Variants in UTRN observed in about 807,000 individuals in gnomAD.
The protein encoded by UTRN is dystrophin-related protein 1.
In UTRN, 283 loss-of-function variants were observed where a neutral mutation model predicts 463.9. That is an observed-to-expected ratio of 0.61 (90% CI 0.55 to 0.67). UTRN has a LOEUF of 0.67. Among genes scored for constraint, UTRN ranks in the 30% least tolerant of loss-of-function variants. The pLI, the probability that UTRN is intolerant of heterozygous loss-of-function variation, is 0.00. For synonymous variants in UTRN, 1,442 were observed against 1,431.5 expected (o/e 1.01, Z -0.17); for missense variants, 3,922 against 4,084.3 (o/e 0.96, Z 1.08).
chr6:144,733,285 G>A (rs544103394), intron 54 of UTRN, among the ~76,000 whole-genome samples: 5 of 152,074 alleles, frequency 3.3e-5, no homozygotes, highest in South Asian at 2.1e-4. Context: ...TTGGGAGGCC[G>A]AGGCAGGCGG....
At position 144,753,674 on chromosome 6, in the gene UTRN, G is replaced by A. The variant is rs549063533; in HGVS notation, c.8356-1046G>A. On this transcript the variant is annotated intron_variant, in intron 56 of 74. Transcript: ENST00000367545. ...AAAAGATGTAGAGTGTCCAACCTGGGCAGCATAGTGAGACCTTGTCTCTAC... is the reference window on the plus strand; with the variant it reads ...AAAAGATGTAGAGTGTCCAACCTGGACAGCATAGTGAGACCTTGTCTCTAC... Among the ~76,000 whole-genome samples the A allele has an allele frequency of 2.0e-5, 3 of 146,774 alleles. No individual in the cohort carries two copies. The South Asian group carries it at 6.5e-4, about 32-fold the overall frequency.
chr6:144,782,071 G>A lies in UTRN; in HGVS notation c.8782G>A (p.Val2928Ile), dbSNP rs375664557. 8.1e-6 allele frequency: 13 copies of A among 1,613,802 alleles called. No homozygotes were observed. Among genetic ancestry groups the A allele is most frequent in the African/African-American group, 1.3e-5 (1 of 74,928 alleles). ...GCAAATGCATAAGGACCTGGTCAAC[G>A]TTCCACTCTGTGTTGATATGTGTCT... ...LEQMHKDLVN[V>I]PLCVDMCLNW... is the part of the protein sequence containing the mutation. Residue 2928 changes from valine to isoleucine, a missense_variant, in exon 61 of 75, where the codon GTT becomes ATT. Val to Ile is a conservative substitution (Grantham distance 29, BLOSUM62 3). Coordinates refer to ENST00000367545, the MANE Select transcript of UTRN (RefSeq NM_007124.3).
intron 2 of UTRN, among the ~76,000 whole-genome samples, chr6:144,396,613 T>C (rs1562339668): frequency 6.6e-6 from 1 of 152,180 alleles, no homozygotes; most frequent in Admixed American, 6.5e-5. Flanking sequence ...AATTATATAG[T>C]AGGTGAATTT....
chr6:144,789,171 C>T, intron 61 of UTRN, 23 bp from the exon 62 acceptor site: 1 of 1,589,046 alleles, frequency 6.3e-7, no homozygotes, highest in Non-Finnish European at 8.6e-7. Context: ...GCATCTAACA[C>T]ATTAACATTC....
At chr6:144,683,122 T>C (rs1016052490) in intron 52 of UTRN, among the ~76,000 whole-genome samples, 2 of 152,074 alleles carry the variant, frequency 1.3e-5, no homozygotes, top group Non-Finnish European at 2.9e-5. Context: ...AGAGGCCAGG[T>C]TGGAGGTGGT....
chr6:144,663,533 G>A (rs890486667), intron 51 of UTRN, among the ~76,000 whole-genome samples: 9 of 152,130 alleles, frequency 5.9e-5, no homozygotes, highest in African/African-American at 2.2e-4. Context: ...TAGTCACAGA[G>A]GATAGTGTAA....
At chr6:144,341,910 A>C (rs1777165440) in intron 2 of UTRN, among the ~76,000 whole-genome samples, 1 of 152,234 alleles carries the variant, frequency 6.6e-6, no homozygotes, top group South Asian at 2.1e-4. Flanking sequence ...CAATGTTGAA[A>C]GTCTTTGATT....
chr6:144,677,049 T>C (rs770252197), intron 51 of UTRN, among the ~76,000 whole-genome samples: 1 of 151,972 alleles, frequency 6.6e-6, no homozygotes, highest in Non-Finnish European at 1.5e-5. Flanking sequence ...GTACATGAAC[T>C]ATAGATTACA....
At chr6:144,778,719 G>T (rs2128736823) in intron 60 of UTRN, among the ~76,000 whole-genome samples, 1 of 152,248 alleles carries the variant, frequency 6.6e-6, no homozygotes, top group Middle Eastern at 3.4e-3. Flanking sequence ...AGTGTTCATT[G>T]TTTTGCAGAA....
At chr6:144,654,989 G>A (rs1779182869) in intron 51 of UTRN, among the ~76,000 whole-genome samples, 1 of 151,014 alleles carries the variant, frequency 6.6e-6, no homozygotes, top group African/African-American at 2.4e-5. Context: ...TTGGTTATGT[G>A]TTATAGAAAA....
At chr6:144,830,345 G>A (rs1210632531) in intron 69 of UTRN, among the ~76,000 whole-genome samples, 5 of 152,096 alleles carry the variant, frequency 3.3e-5, no homozygotes, top group Non-Finnish European at 7.4e-5. Flanking sequence ...CCAACAGACA[G>A]TTGTTATTAA....
At position 144,679,930 on chromosome 6, in the gene UTRN, A is replaced by G. The variant is rs907521964; in HGVS notation, c.7652+1352A>G. Among the ~76,000 whole-genome samples, 3 of 152,130 alleles carry G rather than the reference A, an allele frequency of 2.0e-5. No homozygotes were observed. The East Asian group carries it at 5.8e-4, about 29-fold the overall frequency. The stretch of plus-strand genomic sequence containing the variant: ...CCATTGGGAAATACAATAGGTCAGC[A>G]TTGGCCAACTACTTTTTCTTAGTAA... On this transcript the variant is annotated intron_variant, in intron 52 of 74. Transcript: ENST00000367545.
intron 51 of UTRN, among the ~76,000 whole-genome samples, chr6:144,634,285 A>G (rs17191984): frequency 0.057 from 8,710 of 152,288 alleles, 345 homozygotes; most frequent in Non-Finnish European, 0.081. Context: ...AGCTTGGGTG[A>G]AGAAGTCCTG....
chr6:144,376,168 T>G (rs1780440386), intron 2 of UTRN, among the ~76,000 whole-genome samples: 1 of 151,828 alleles, frequency 6.6e-6, no homozygotes, highest in Non-Finnish European at 1.5e-5. Flanking sequence ...TTTAAAAAAG[T>G]TTTTTGGGTC....
At chr6:144,436,165 G>A (rs1219055879) in intron 10 of UTRN, 27 bp downstream of exon 10, 1 of 1,601,658 alleles carries the variant, frequency 6.2e-7, no homozygotes, top group Non-Finnish European at 8.5e-7. Context: ...TCTTAGCAGG[G>A]TGTGTCCCCC....
chr6:144,482,180 T>C (rs779988640), intron 26 of UTRN, 29 bp from the exon 27 acceptor site: 5 of 1,402,898 alleles, frequency 3.6e-6, no homozygotes, highest in Non-Finnish European at 3.7e-6. Context: ...GAGACGTTTT[T>C]CAAGTTCATC....
At chr6:144,793,390 T>A (rs1406611723) in intron 62 of UTRN, among the ~76,000 whole-genome samples, 1 of 152,058 alleles carries the variant, frequency 6.6e-6, no homozygotes, top group African/African-American at 2.4e-5. Flanking sequence ...ATTACAGGCA[T>A]GCACCACAGC....
Position 144,461,255 on chromosome 6 carries a change from G to A in UTRN, c.2766G>A (p.Val922=), listed in dbSNP as rs770870902. 1 of 1,610,954 alleles carries A rather than the reference G, an allele frequency of 6.2e-7. No individual in the cohort carries two copies. Among genetic ancestry groups the A allele is most frequent in the Admixed American group, 1.7e-5 (1 of 59,906 alleles). The change falls in exon 22 of 75, where the codon GTG becomes GTA. Residue 922 remains valine (V), a synonymous_variant. Coordinates refer to ENST00000367545, the MANE Select transcript of UTRN (RefSeq NM_007124.3). ...YLETLKTLKD[V]LNDSENKAQV... ...AAACATTGAAAACACTGAAAGATGT[G>A]CTAAATGATTCAGAAAATAAGGCCC...
At chr6:144,521,377 C>T (rs972492607) in intron 39 of UTRN, among the ~76,000 whole-genome samples, 4 of 152,068 alleles carry the variant, frequency 2.6e-5, no homozygotes, top group African/African-American at 9.7e-5. Context: ...TCCATAGAGC[C>T]TCAAGTCTGT....
Sources: gnomAD v4.1 joint callset for allele counts (sites outside exome capture counted in the v4.1 genomes callset) on GRCh38, gnomAD v4.1.1 for gene constraint, MANE v1.5 for transcripts, NCBI Gene and HGNC (gene_info 2026-07-23, HGNC 2026-07-21) for gene names.